Variants in COL28A1 observed in about 807,000 individuals in gnomAD.
The protein encoded by COL28A1 is collagen alpha-1(XXVIII) chain.
COL28A1 carries 161 observed loss-of-function variants against 150.2 expected under a neutral mutation model. That is an observed-to-expected ratio of 1.07 (90% CI 0.94 to 1.22). The LOEUF (loss-of-function observed/expected upper bound fraction) is 1.22, where lower values mean the gene tolerates loss of function less well. COL28A1 is among the 50% of genes most tolerant of loss of function. The probability of loss-of-function intolerance (pLI) is 0.00; values close to 1 mark genes in which losing one functional copy is unlikely to be tolerated. For missense variants in COL28A1, 1,617 were observed against 1,388.3 expected (o/e 1.16, Z -2.62); for synonymous variants, 552 against 469.7 (o/e 1.18, Z -2.26).
At chr7:7,443,937 TG>T (rs1224640556) in intron 19 of COL28A1, among the ~76,000 whole-genome samples, 1 of 151,688 alleles carries the variant, frequency 6.6e-6, no homozygotes. Context: ...CATTCGCATT[TG>T]GTAGATTTTT....
chr7:7,408,356 C>T (rs897121729), intron 27 of COL28A1, among the ~76,000 whole-genome samples: 4 of 152,080 alleles, frequency 2.6e-5, no homozygotes, highest in African/African-American at 9.7e-5. Context: ...AGGTAATTTA[C>T]TTCATTTCCC....
At position 7,358,496 on chromosome 7, in the gene COL28A1, T is replaced by A; in HGVS notation, c.*137A>T. ...GTTAATAATATGTACATCCTAGGGCTGTAGTGAGAATTCAATTACATGTAT... is the reference window on the plus strand; with the variant it reads ...GTTAATAATATGTACATCCTAGGGCAGTAGTGAGAATTCAATTACATGTAT... On this transcript the variant is annotated 3_prime_UTR_variant, in exon 35 of 35. Coordinates refer to ENST00000399429, the MANE Select transcript of COL28A1 (RefSeq NM_001037763.3). 1 of 792,376 alleles carries A rather than the reference T, an allele frequency of 1.3e-6. No individual in the cohort carries two copies. The highest frequency in any genetic ancestry group is 2.4e-5 in the Admixed American group (1 of 41,114). The allele number at this position is 792,376 out of a possible 1,614,324, so 49.1% of individuals were successfully genotyped here.
At chr7:7,371,379 C>T (rs1230919333) in intron 32 of COL28A1, among the ~76,000 whole-genome samples, 1 of 152,232 alleles carries the variant, frequency 6.6e-6, no homozygotes, top group Non-Finnish European at 1.5e-5. Context: ...ACAAACCCAC[C>T]AGTCAGCCAG....
At chr7:7,453,997 G>A (rs1786926152) in intron 16 of COL28A1, among the ~76,000 whole-genome samples, 1 of 152,186 alleles carries the variant, frequency 6.6e-6, no homozygotes, top group Non-Finnish European at 1.5e-5. Context: ...AGAAGCAATA[G>A]TCAGTAGATA....
chr7:7,534,654 G>A (rs1009165546), intron 1 of COL28A1, among the ~76,000 whole-genome samples: 9 of 152,086 alleles, frequency 5.9e-5, no homozygotes, highest in South Asian at 2.1e-4. Context: ...TTCATGTAAG[G>A]TTTTAGAAAT....
At chr7:7,377,222 G>A (rs1434243854) in intron 30 of COL28A1, among the ~76,000 whole-genome samples, 3 of 152,172 alleles carry the variant, frequency 2.0e-5, no homozygotes, top group African/African-American at 7.2e-5. Context: ...TAAAATGCTT[G>A]AAGTTACCAT....
downstream of COL28A1, among the ~76,000 whole-genome samples, chr7:7,352,313 G>T (rs919820494): frequency 2.6e-5 from 4 of 152,166 alleles, no homozygotes; most frequent in African/African-American, 9.7e-5. Context: ...AGCAGGCAGA[G>T]GACACAGCTG....
rs780437756 is a variant in COL28A1 at position 7,383,283 on chromosome 7, TGTGTG to T, written c.2137-1676_2137-1672del. Among the ~76,000 whole-genome samples, 817 of 122,186 alleles carry T rather than the reference TGTGTG, an allele frequency of 6.7e-3. 8 individuals carry two copies. The highest frequency in any genetic ancestry group is 0.029 in the African/African-American group (760 of 25,974). The allele number at this position is 122,186 out of a possible 152,430, so 80.2% of individuals were successfully genotyped here. On this transcript the variant is annotated intron_variant, in intron 27 of 34. Coordinates refer to ENST00000399429, the MANE Select transcript of COL28A1 (RefSeq NM_001037763.3). ...GTGTGTGTGTGTGTGTGTGTGTGTG[TGTGTG>T]TTTTTTTTGAGACAGAGTCTCACTC...
the COL28A1 span, among the ~76,000 whole-genome samples, chr7:7,541,872 C>T: frequency 2.0e-5 from 3 of 151,342 alleles, no homozygotes; most frequent in Admixed American, 1.3e-4. Flanking sequence ...GGATAGAAAA[C>T]AGATAGATGC....
intron 25 of COL28A1, 55 bp downstream of exon 25, chr7:7,432,418 C>G: frequency 6.9e-7 from 1 of 1,453,770 alleles, no homozygotes; most frequent in Admixed American, 1.8e-5. Context: ...ACCAAAGTCA[C>G]CTACCTATAG....
the COL28A1 span, among the ~76,000 whole-genome samples, chr7:7,344,343 T>C: frequency 6.6e-6 from 1 of 152,100 alleles, no homozygotes; most frequent in Non-Finnish European, 1.5e-5. Context: ...TTTGTATTAA[T>C]GAAGTAATTT....
intron 9 of COL28A1, among the ~76,000 whole-genome samples, chr7:7,510,490 G>A (rs1486650680): frequency 2.0e-5 from 3 of 152,142 alleles, no homozygotes; most frequent in Non-Finnish European, 2.9e-5. Flanking sequence ...TCACCGTATT[G>A]GTCAGGCTGG....
At chr7:7,350,823 C>T in the COL28A1 span, among the ~76,000 whole-genome samples, 1 of 151,402 alleles carries the variant, frequency 6.6e-6, no homozygotes, top group Non-Finnish European at 1.5e-5. Context: ...GGCATAATAC[C>T]AACAGATATG....
chr7:7,520,176 TA>T, intron 5 of COL28A1, 61 bp from the exon 6 acceptor site: 1 of 794,430 alleles, frequency 1.3e-6, no homozygotes, highest in Non-Finnish European at 2.1e-6. Flanking sequence ...CTATACTTTA[TA>T]ATAATTTCTG....
chr7:7,461,761 A>T (rs543431921), intron 15 of COL28A1, among the ~76,000 whole-genome samples: 2 of 152,262 alleles, frequency 1.3e-5, no homozygotes, highest in Admixed American at 6.5e-5. Flanking sequence ...GTCTGAGCTC[A>T]GAAACACCTA....
chr7:7,356,811 T>G (rs189177014), downstream of COL28A1: 12 of 152,208 alleles, frequency 7.9e-5, no homozygotes, highest in South Asian at 2.5e-3. Flanking sequence ...AAACCTGTAC[T>G]TTGTGCACAT....
upstream of COL28A1, among the ~76,000 whole-genome samples, chr7:7,538,419 G>T (rs923938868): frequency 2.6e-5 from 4 of 152,160 alleles, no homozygotes; most frequent in Admixed American, 2.6e-4. Context: ...ATAGCCCAGA[G>T]TAAGCAGTCA....
intron 8 of COL28A1, among the ~76,000 whole-genome samples, chr7:7,513,684 A>G (rs557921813): frequency 9.3e-4 from 141 of 152,372 alleles, no homozygotes; most frequent in African/African-American, 3.1e-3. Flanking sequence ...ACCAAAATAT[A>G]AAACAGAAAG....
Position 7,380,703 on chromosome 7 carries a change from G to C in COL28A1, c.2287-8C>G. 2.5e-6 allele frequency: 4 copies of C among 1,613,546 alleles called. No individual in the cohort carries two copies. The East Asian group carries it at 8.9e-5, about 36-fold the overall frequency. ...TTTGGGTCCTTGTAAACCCTACTTA[G>C]TGGAAGAAGAGTAAAAGTCAATATA... On this transcript the variant is annotated splice_polypyrimidine_tract_variant and splice_region_variant and intron_variant, in intron 29 of 34. Transcript: ENST00000399429.
Sources: gnomAD v4.1 joint callset for allele counts (sites outside exome capture counted in the v4.1 genomes callset) on GRCh38, gnomAD v4.1.1 for gene constraint, MANE v1.5 for transcripts, NCBI Gene and HGNC (gene_info 2026-07-23, HGNC 2026-07-21) for gene names.